Variants in GRID2 observed in about 807,000 individuals in gnomAD.
GRID2 encodes glutamate ionotropic receptor delta type subunit 2, also known as glutamate receptor ionotropic, delta-2.
Under a neutral mutation model 114.8 loss-of-function variants are expected in GRID2, and 33 were observed. The observed-to-expected ratio is 0.29, with a 90% CI of 0.22 to 0.38. GRID2 has a LOEUF of 0.38. Among genes scored for constraint, GRID2 ranks in the 10% least tolerant of loss-of-function variants. The pLI is 1.00. For synonymous variants in GRID2, 505 were observed against 449.9 expected (o/e 1.12, Z -1.55); for missense variants, 1,184 against 1,257.7 (o/e 0.94, Z 0.89).
chr4:92,921,178 A>G (rs1032314801), intron 2 of GRID2, among the ~76,000 whole-genome samples: 1 of 152,006 alleles, frequency 6.6e-6, no homozygotes, highest in African/African-American at 2.4e-5. Flanking sequence ...TGTAGTTCTC[A>G]TGCCATGGTT....
rs1335391401 is a variant in GRID2, at chr4:92,422,500, A to G, written c.88+117756A>G. Among the ~76,000 whole-genome samples, 4 of 152,184 alleles carry G rather than the reference A, an allele frequency of 2.6e-5. No individual in the cohort carries two copies. In the East Asian group the frequency reaches 7.7e-4, roughly 29 times the overall value. ...TCAGGAATCAGAGATTTTAAGGACA[A>G]CTTGGTGGGGAAGGGGAAGCCAGTG... On this transcript the variant is annotated intron_variant, in intron 1 of 15. Coordinates refer to ENST00000282020, the MANE Select transcript of GRID2 (RefSeq NM_001510.4).
intron 1 of GRID2, among the ~76,000 whole-genome samples, chr4:92,557,880 A>G (rs777351624): frequency 1.6e-4 from 25 of 152,104 alleles, no homozygotes; most frequent in Non-Finnish European, 3.1e-4. Context: ...CTACACTTTA[A>G]AAAACTTTTA....
At chr4:93,427,440 A>C (rs1308927837) in intron 10 of GRID2, among the ~76,000 whole-genome samples, 1 of 152,042 alleles carries the variant, frequency 6.6e-6, no homozygotes, top group Non-Finnish European at 1.5e-5. Context: ...TAAGAATTTT[A>C]AAATTAACAG....
chr4:92,765,949 T>G (rs1374311687), intron 2 of GRID2, among the ~76,000 whole-genome samples: 1 of 152,162 alleles, frequency 6.6e-6, no homozygotes, highest in East Asian at 1.9e-4. Context: ...GAGCTTTTAT[T>G]TTGATATACA....
chr4:92,938,525 TA>T (rs1750837549), intron 2 of GRID2, among the ~76,000 whole-genome samples: 1 of 146,678 alleles, frequency 6.8e-6, no homozygotes, highest in Non-Finnish European at 1.5e-5. Flanking sequence ...CAACCCTAGC[TA>T]TGTAATATTA....
At chr4:92,708,228 G>T (rs1441103799) in intron 2 of GRID2, among the ~76,000 whole-genome samples, 2 of 152,160 alleles carry the variant, frequency 1.3e-5, no homozygotes, top group Admixed American at 6.5e-5. Flanking sequence ...AATTCCAAAG[G>T]TGGAGAATTA....
intron 14 of GRID2, among the ~76,000 whole-genome samples, chr4:93,745,584 A>G (rs1731775272): frequency 6.6e-6 from 1 of 152,118 alleles, no homozygotes; most frequent in African/African-American, 2.4e-5. Context: ...TGAAAACCAC[A>G]GTTAATGAAG....
chr4:92,879,185 A>T (rs1404445849), intron 2 of GRID2, among the ~76,000 whole-genome samples: 1 of 152,184 alleles, frequency 6.6e-6, no homozygotes, highest in African/African-American at 2.4e-5. Context: ...ACTGTTAATG[A>T]TACTATCTTT....
intron 2 of GRID2, among the ~76,000 whole-genome samples, chr4:92,698,892 A>G (rs2149299520): frequency 6.6e-6 from 1 of 152,262 alleles, no homozygotes; most frequent in South Asian, 2.1e-4. Flanking sequence ...CTACGTACAG[A>G]ATATAGAAAA....
chr4:93,256,572 A>G (rs1355458625), intron 8 of GRID2, among the ~76,000 whole-genome samples: 1 of 151,902 alleles, frequency 6.6e-6, no homozygotes, highest in Non-Finnish European at 1.5e-5. Context: ...GGTTGCTTCA[A>G]GATCATATAG....
At chr4:92,465,647 A>G (rs1721717974) in intron 1 of GRID2, among the ~76,000 whole-genome samples, 2 of 152,090 alleles carry the variant, frequency 1.3e-5, no homozygotes, top group Non-Finnish European at 2.9e-5. Context: ...GTGCAATTAA[A>G]TGTTTATTTG....
chr4:92,365,789 C>A, intron 1 of GRID2, among the ~76,000 whole-genome samples: 1 of 151,668 alleles, frequency 6.6e-6, no homozygotes, highest in South Asian at 2.1e-4. Context: ...TAATATTAAC[C>A]AAAAATAAAT....
rs1431328894 is a variant in GRID2, at chr4:92,492,668, A to C, written c.89-97463A>C. On this transcript the variant is annotated intron_variant, in intron 1 of 15. Transcript: ENST00000282020. ...CAGAGTAAGTGGTATCTCTGTAAAC[A>C]CAGAATATGAAGCTCAAAGGCTCCT... 5.9e-5 allele frequency among the ~76,000 whole-genome samples: 9 copies of C among 152,284 alleles called. No homozygotes were observed. The East Asian group carries it at 1.7e-3, about 29-fold the overall frequency.
chr4:93,589,147 C>T lies in GRID2; in HGVS notation c.2194-37122C>T, dbSNP rs11097373. 1.1e-4 allele frequency among the ~76,000 whole-genome samples: 16 copies of T among 151,612 alleles called. No individual in the cohort carries two copies. The East Asian group carries it at 1.6e-3, about 15-fold the overall frequency. On this transcript the variant is annotated intron_variant, in intron 13 of 15. Coordinates refer to ENST00000282020, the MANE Select transcript of GRID2 (RefSeq NM_001510.4). ...ACGTGTGCCATGCTGGTGTGCTGCA[C>T]GCACTAACTCGTCATCTAGCATTAG...
chr4:93,262,055 A>T (rs2149550927), intron 8 of GRID2, among the ~76,000 whole-genome samples: 1 of 151,580 alleles, frequency 6.6e-6, no homozygotes, highest in African/African-American at 2.4e-5. Context: ...TGGAGAAATA[A>T]AATATGTATA....
rs1426663769 is a variant in GRID2, at chr4:93,503,578, C to T, written c.1998-11638C>T. ...CCTATGAGTGAGAACATGCGGTGTT[C>T]GGTTTTTTGTCCTTGCAATAGTTTG... On this transcript the variant is annotated intron_variant, in intron 12 of 15. Transcript: ENST00000282020. 2.0e-5 allele frequency among the ~76,000 whole-genome samples: 3 copies of T among 149,848 alleles called. No homozygotes were observed. The Admixed American group carries it at 2.0e-4, about 10-fold the overall frequency.
chr4:93,729,464 G>T (rs923600088), intron 14 of GRID2, among the ~76,000 whole-genome samples: 1 of 151,894 alleles, frequency 6.6e-6, no homozygotes, highest in Non-Finnish European at 1.5e-5. Flanking sequence ...TACTATTTCT[G>T]CTACCTGTGA....
At chr4:93,676,359 T>C (rs1724855171) in intron 14 of GRID2, among the ~76,000 whole-genome samples, 1 of 152,318 alleles carries the variant, frequency 6.6e-6, no homozygotes, top group Admixed American at 6.5e-5. Context: ...CAATGATCTT[T>C]CTAAAAATTC....
chr4:92,665,097 T>G (rs1732707372), intron 2 of GRID2, among the ~76,000 whole-genome samples: 1 of 151,020 alleles, frequency 6.6e-6, no homozygotes, highest in African/African-American at 2.4e-5. Context: ...TATAAATTTT[T>G]TGTCCTGATT....
Sources: allele counts gnomAD v4.1 joint callset (sites outside exome capture counted in the v4.1 genomes callset), GRCh38; gene constraint gnomAD v4.1.1; transcripts MANE v1.5; gene names NCBI Gene and HGNC (gene_info 2026-07-23, HGNC 2026-07-21).